The following PPIL1 variants were observed in gnomAD, a reference collection of about 807,000 sequenced individuals.
PPIL1 encodes peptidylprolyl isomerase like 1.
PPIL1 carries 14 observed loss-of-function variants against 19.4 expected under a neutral mutation model. The ratio of observed to expected loss-of-function variants is 0.72; its 90% CI spans 0.48 to 1.13. The LOEUF is 1.13. Ranked by LOEUF, PPIL1 falls within the 50% of genes most tolerant of loss-of-function variation. The pLI, the probability that PPIL1 is intolerant of heterozygous loss-of-function variation, is 0.00. For missense variants in PPIL1, 192 were observed against 218.0 expected, an observed-to-expected ratio of 0.88 and a Z score of 0.75; for synonymous variants, 72 against 73.6, an observed-to-expected ratio of 0.98 and a Z score of 0.11.
chr6:36,868,136 T>C (rs758640429), intron 2 of PPIL1, among the ~76,000 whole-genome samples: 32 of 152,038 alleles, frequency 2.1e-4, no homozygotes, highest in Non-Finnish European at 4.1e-4. Context: ...AAAAATATAA[T>C]ATAACAAAAG....
At chr6:36,864,067 C>G (rs1774345782) in intron 2 of PPIL1, among the ~76,000 whole-genome samples, 1 of 152,004 alleles carries the variant, frequency 6.6e-6, no homozygotes, top group Non-Finnish European at 1.5e-5. Flanking sequence ...AGAACTAACA[C>G]AGCTGCTATC....
intron 1 of PPIL1, among the ~76,000 whole-genome samples, chr6:36,874,182 T>C (rs1774582728): frequency 1.3e-5 from 2 of 152,196 alleles, no homozygotes; most frequent in African/African-American, 4.8e-5. Context: ...GTTGCTAAGA[T>C]TAAACTAAAT....
chr6:36,873,673 GC>G (rs1165705878), intron 1 of PPIL1, among the ~76,000 whole-genome samples: 1 of 152,164 alleles, frequency 6.6e-6, no homozygotes, highest in Non-Finnish European at 1.5e-5. Flanking sequence ...GTAGAATTTT[GC>G]CATATAAGGT....
At chr6:36,871,406 G>T (rs1254837003) in intron 2 of PPIL1, among the ~76,000 whole-genome samples, 2 of 152,110 alleles carry the variant, frequency 1.3e-5, no homozygotes, top group Non-Finnish European at 2.9e-5. Context: ...TTATTGATCA[G>T]ACTACTTGCA....
intron 2 of PPIL1, among the ~76,000 whole-genome samples, chr6:36,859,810 A>ATT (rs1774242520): frequency 4.6e-5 from 4 of 87,536 alleles, no homozygotes; most frequent in African/African-American, 1.6e-4. Flanking sequence ...CCTGTTTTCT[A>ATT]TTGTGTGTGT....
intron 2 of PPIL1, among the ~76,000 whole-genome samples, chr6:36,860,609 T>A (rs1301202167): frequency 6.6e-6 from 1 of 151,970 alleles, no homozygotes; most frequent in African/African-American, 2.4e-5. Context: ...TAAGACCCCA[T>A]GCATACACCC....
At chr6:36,856,159 C>A (rs774055871) in intron 3 of PPIL1, 126 bp from the exon 4 acceptor site, 5 of 1,000,354 alleles carry the variant, frequency 5.0e-6, no homozygotes, top group Non-Finnish European at 7.3e-6. Context: ...CAGACCCAGA[C>A]AACCCCTCAG....
At chr6:36,866,866 T>C (rs1305105787) in intron 2 of PPIL1, among the ~76,000 whole-genome samples, 2 of 152,152 alleles carry the variant, frequency 1.3e-5, no homozygotes, top group Non-Finnish European at 2.9e-5. Flanking sequence ...GAACCTCTAT[T>C]GACTCCAATG....
rs577295563 is a variant in PPIL1, at chr6:36,864,707, T to A, written c.211+7011A>T. Among the ~76,000 whole-genome samples the A allele has an allele frequency of 2.0e-5, 3 of 152,252 alleles. No individual in the cohort carries two copies. In the South Asian group the frequency reaches 6.2e-4, roughly 32 times the overall value. ...CATCACGAAGCTAACCATCCTTCAATGCACAGGACAGCACCCCCTCCAACA... is the reference window on the plus strand; with the variant it reads ...CATCACGAAGCTAACCATCCTTCAAAGCACAGGACAGCACCCCCTCCAACA... On this transcript the variant is annotated intron_variant, in intron 2 of 3. Transcript: ENST00000373699.
Position 36,866,515 on chromosome 6 carries a change from A to G in PPIL1, c.211+5203T>C, listed in dbSNP as rs571192410. On this transcript the variant is annotated intron_variant, in intron 2 of 3. Coordinates refer to ENST00000373699, the MANE Select transcript of PPIL1 (RefSeq NM_016059.5). ...CTGCCAGTGGGCTGCTCAGTCATTC[A>G]TTATACTTGAGGCTGGGTGCAGTTA... is the stretch of plus-strand genomic sequence containing the variant. Among the ~76,000 whole-genome samples the G allele has an allele frequency of 1.2e-4, 19 of 152,230 alleles. 1 individual carries two copies. The highest frequency in any genetic ancestry group is 4.3e-4 in the African/African-American group (18 of 41,552).
intron 2 of PPIL1, among the ~76,000 whole-genome samples, chr6:36,857,284 C>T (rs1193300321): frequency 1.3e-5 from 2 of 152,150 alleles, no homozygotes; most frequent in Admixed American, 6.5e-5. Flanking sequence ...GGAGAAATAG[C>T]TGGTAAGTGG....
chr6:36,857,705 G>A (rs1774196790), intron 2 of PPIL1, among the ~76,000 whole-genome samples: 3 of 151,562 alleles, frequency 2.0e-5, no homozygotes, highest in Non-Finnish European at 4.4e-5. Flanking sequence ...ACTGCTTTGA[G>A]CCCAGGAGTT....
At chr6:36,872,100 AAAT>A in intron 1 of PPIL1, 1 of 369,884 alleles carries the variant, frequency 2.7e-6, no homozygotes, top group Non-Finnish European at 4.8e-6. Context: ...CTTTTCAGCA[AAAT>A]AACAAGCATG....
intron 2 of PPIL1, among the ~76,000 whole-genome samples, chr6:36,866,723 A>C (rs1774400104): frequency 6.6e-6 from 1 of 152,210 alleles, no homozygotes; most frequent in Non-Finnish European, 1.5e-5. Flanking sequence ...TTAAGAATTA[A>C]AATTTATTTC....
chr6:36,869,860 G>T (rs566511724), intron 2 of PPIL1, among the ~76,000 whole-genome samples: 1 of 152,118 alleles, frequency 6.6e-6, no homozygotes, highest in African/African-American at 2.4e-5. Flanking sequence ...AATATGTTCT[G>T]TTTTAAAAAC....
intron 2 of PPIL1, among the ~76,000 whole-genome samples, chr6:36,863,692 T>A (rs146688295): frequency 2.2e-4 from 34 of 152,240 alleles, no homozygotes; most frequent in African/African-American, 7.7e-4. Flanking sequence ...TGCTTGAACA[T>A]GCTCCATTCA....
chr6:36,862,081 A>G (rs1238399102), intron 2 of PPIL1, among the ~76,000 whole-genome samples: 1 of 152,026 alleles, frequency 6.6e-6, no homozygotes, highest in East Asian at 1.9e-4. Flanking sequence ...CCTCTTAGTC[A>G]CTGTGGAAAC....
chr6:36,856,828 A>T (rs1372322489), intron 2 of PPIL1, among the ~76,000 whole-genome samples, 174 bp from the exon 3 acceptor site: 1 of 152,248 alleles, frequency 6.6e-6, no homozygotes, highest in Non-Finnish European at 1.5e-5. Flanking sequence ...TAGCACATTC[A>T]AATCATTGGT....
chr6:36,858,991 T>C (rs1774223752), intron 2 of PPIL1, among the ~76,000 whole-genome samples: 1 of 152,192 alleles, frequency 6.6e-6, no homozygotes, highest in African/African-American at 2.4e-5. Context: ...GCTGTCAGTC[T>C]GTGGCCTGAG....
Sources: allele counts gnomAD v4.1 joint callset (sites outside exome capture counted in the v4.1 genomes callset), GRCh38; gene constraint gnomAD v4.1.1; transcripts MANE v1.5; gene names NCBI Gene and HGNC (gene_info 2026-07-23, HGNC 2026-07-21).